Variants in ATXN1 observed in about 807,000 individuals in gnomAD.
ATXN1 encodes ataxin 1.
A neutral mutation model predicts 56.4 loss-of-function variants in ATXN1; 8 were observed. The ratio of observed to expected loss-of-function variants is 0.14; its 90% CI spans 0.08 to 0.26. The LOEUF is 0.26. ATXN1 is among the 10% of genes least tolerant of loss of function. The pLI is 1.00. For synonymous variants in ATXN1, 514 were observed against 494.6 expected (o/e 1.04, Z -0.52); for missense variants, 987 against 1,106.5 (o/e 0.89, Z 1.53).
chr6:16,388,520 C>A (rs185769992), intron 6 of ATXN1, among the ~76,000 whole-genome samples: 1 of 152,298 alleles, frequency 6.6e-6, no homozygotes, highest in East Asian at 1.9e-4. Flanking sequence ...AATTCTGCTA[C>A]GTCAAATAAA....
intron 5 of ATXN1, among the ~76,000 whole-genome samples, chr6:16,515,263 C>T (rs545244756): frequency 7.2e-5 from 11 of 152,216 alleles, no homozygotes; most frequent in Non-Finnish European, 1.2e-4. Flanking sequence ...CACCATCTCA[C>T]GGGATATGGA....
intron 2 of ATXN1, among the ~76,000 whole-genome samples, chr6:16,681,579 C>T (rs1168476772): frequency 6.6e-6 from 1 of 152,242 alleles, no homozygotes; most frequent in Non-Finnish European, 1.5e-5. Context: ...GCTCTAACTT[C>T]AATACATCAA....
intron 1 of ATXN1, among the ~76,000 whole-genome samples, chr6:16,756,645 GAA>G (rs372220800): frequency 4.6e-4 from 70 of 152,208 alleles, no homozygotes; most frequent in Middle Eastern, 3.4e-3. Flanking sequence ...ACAGAGCAAG[GAA>G]AGTCAAATAA....
chr6:16,411,463 G>A (rs1193982216), intron 6 of ATXN1, among the ~76,000 whole-genome samples: 1 of 152,060 alleles, frequency 6.6e-6, no homozygotes, highest in African/African-American at 2.4e-5. Context: ...AGGGTTGTTG[G>A]TGCCAACTGG....
At chr6:16,701,151 T>C (rs955524391) in intron 2 of ATXN1, among the ~76,000 whole-genome samples, 1 of 152,192 alleles carries the variant, frequency 6.6e-6, no homozygotes, top group African/African-American at 2.4e-5. Flanking sequence ...TAAAAAAGTT[T>C]AGATACAGAA....
Position 16,327,422 on chromosome 6 carries a change from C to T in ATXN1, c.889G>A (p.Gly297Ser), listed in dbSNP as rs762482364. Residue 297 changes from glycine to serine, a missense_variant, in exon 7 of 8, where the codon GGC becomes AGC. Around this residue, in one of 3 missense-constraint regions of ATXN1, gnomAD observed 723 missense variants for 791.7 expected, o/e 0.91. Coordinates refer to ENST00000436367, the MANE Select transcript of ATXN1 (RefSeq NM_001128164.2). ...SQVVMQYADSGSHFVPREATK... is the reference protein window; with the variant it reads ...SQVVMQYADSSSHFVPREATK... The stretch of plus-strand genomic sequence containing the variant: ...GCCTCCCGAGGGACAAAGTGGCTGC[C>T]GGAGTCGGCGTATTGCATGACGACC... 1.6e-5 allele frequency: 26 copies of T among 1,613,586 alleles called. No individual in the cohort carries two copies. The highest frequency in any genetic ancestry group is 3.3e-5 in the South Asian group (3 of 91,086).
At chr6:16,593,858 CATATATAT>C (rs58000476) in intron 3 of ATXN1, among the ~76,000 whole-genome samples, 8 of 143,528 alleles carry the variant, frequency 5.6e-5, no homozygotes, top group African/African-American at 1.0e-4. Context: ...TGTGTGTGTG[CATATATAT>C]ATATATATAT....
chr6:16,338,717 T>C (rs179987), intron 6 of ATXN1, among the ~76,000 whole-genome samples: 21 of 152,194 alleles, frequency 1.4e-4, no homozygotes, highest in Non-Finnish European at 2.2e-4. Context: ...CACACTTATC[T>C]GTTGCTCATC....
intron 6 of ATXN1, among the ~76,000 whole-genome samples, chr6:16,465,637 G>A (rs1398229465): frequency 1.3e-5 from 2 of 152,126 alleles, no homozygotes; most frequent in Non-Finnish European, 2.9e-5. Context: ...ATGGGGAAGA[G>A]TAGTCAGCAG....
chr6:16,347,926 A>G (rs1484299596), intron 6 of ATXN1, among the ~76,000 whole-genome samples: 3 of 152,104 alleles, frequency 2.0e-5, no homozygotes. Flanking sequence ...CACTCTTTGG[A>G]TCTATACTGC....
intron 2 of ATXN1, among the ~76,000 whole-genome samples, chr6:16,741,880 G>A (rs1293276186): frequency 6.6e-6 from 1 of 152,234 alleles, no homozygotes; most frequent in East Asian, 1.9e-4. Context: ...TACACAGATT[G>A]TTAAAATAGT....
intron 6 of ATXN1, among the ~76,000 whole-genome samples, chr6:16,349,181 C>T (rs2113457052): frequency 6.6e-6 from 1 of 152,332 alleles, no homozygotes; most frequent in East Asian, 1.9e-4. Flanking sequence ...ACCTCCTTCA[C>T]TGTGGTCCTA....
At chr6:16,388,172 A>G (rs1019908206) in intron 6 of ATXN1, among the ~76,000 whole-genome samples, 1 of 152,194 alleles carries the variant, frequency 6.6e-6, no homozygotes, top group Non-Finnish European at 1.5e-5. Flanking sequence ...ACAGTCTCTT[A>G]ACCAAAGAAT....
intron 2 of ATXN1, among the ~76,000 whole-genome samples, chr6:16,752,675 A>G (rs1344746973): frequency 2.0e-5 from 3 of 152,200 alleles, no homozygotes; most frequent in Admixed American, 6.5e-5. Flanking sequence ...TTTCTTCAAT[A>G]GAGAACCATG....
intron 4 of ATXN1, among the ~76,000 whole-genome samples, chr6:16,552,058 G>A (rs1761929687): frequency 6.6e-6 from 1 of 152,192 alleles, no homozygotes; most frequent in Non-Finnish European, 1.5e-5. Flanking sequence ...TGTGTCGTGG[G>A]AGGACACAGG....
chr6:16,421,816 G>A (rs1290182799), intron 6 of ATXN1, among the ~76,000 whole-genome samples: 1 of 152,164 alleles, frequency 6.6e-6, no homozygotes, highest in African/African-American at 2.4e-5. Context: ...AGGCGTGAGT[G>A]TGTACACAGT....
At chr6:16,580,120 A>C (rs1051098043) in intron 4 of ATXN1, among the ~76,000 whole-genome samples, 2 of 152,250 alleles carry the variant, frequency 1.3e-5, no homozygotes, top group Non-Finnish European at 2.9e-5. Context: ...TTGTTTCAAC[A>C]ATCAGTGAAT....
chr6:16,702,855 A>G (rs1759316504), intron 2 of ATXN1, among the ~76,000 whole-genome samples: 1 of 152,238 alleles, frequency 6.6e-6, no homozygotes, highest in Admixed American at 6.5e-5. Context: ...GGATGTGGAG[A>G]CATAGGAACA....
At chr6:16,758,711 G>A (rs919853533) in intron 1 of ATXN1, among the ~76,000 whole-genome samples, 1 of 152,016 alleles carries the variant, frequency 6.6e-6, no homozygotes, top group Non-Finnish European at 1.5e-5. Flanking sequence ...TGAGTGATCA[G>A]GACTGGAGTA....
Sources: allele counts gnomAD v4.1 joint callset (sites outside exome capture counted in the v4.1 genomes callset), GRCh38; gene constraint gnomAD v4.1.1; regional missense constraint gnomAD v4.1.1; transcripts MANE v1.5; gene names NCBI Gene and HGNC (gene_info 2026-07-23, HGNC 2026-07-21).